The following DSTYK variants were observed in gnomAD, a reference collection of about 807,000 sequenced individuals.
The protein encoded by DSTYK is dual serine/threonine and tyrosine protein kinase, also known as RIP-homologous kinase.
In DSTYK, 34 loss-of-function variants were observed where a neutral mutation model predicts 98.7. The observed-to-expected ratio is 0.34, with a 90% confidence interval of 0.26 to 0.46. DSTYK has a LOEUF of 0.46. DSTYK is among the 20% of genes least tolerant of loss of function. The probability of loss-of-function intolerance (pLI) is 1.00; values close to 1 mark genes in which losing one functional copy is unlikely to be tolerated. For synonymous variants in DSTYK, 462 were observed against 457.3 expected, an observed-to-expected ratio of 1.01 and a Z score of -0.13; for missense variants, 962 against 1,181.7, an observed-to-expected ratio of 0.81 and a Z score of 2.73.
At chr1:205,198,844 T>C (rs1451716881) in intron 1 of DSTYK, among the ~76,000 whole-genome samples, 2 of 151,482 alleles carry the variant, frequency 1.3e-5, no homozygotes, top group Admixed American at 6.6e-5. Context: ...CTTTTTTTTT[T>C]TTTTTTGAGA....
intron 5 of DSTYK, among the ~76,000 whole-genome samples, chr1:205,162,677 A>G (rs568970469): frequency 6.6e-6 from 1 of 152,234 alleles, no homozygotes; most frequent in East Asian, 1.9e-4. Context: ...CTATTTTTCC[A>G]TTGTCCACAA....
intron 1 of DSTYK, among the ~76,000 whole-genome samples, chr1:205,199,400 A>G (rs1044263935): frequency 6.6e-6 from 1 of 152,210 alleles, no homozygotes; most frequent in Non-Finnish European, 1.5e-5. Context: ...TCCCTCCAAG[A>G]GTTTTGGTTT....
intron 3 of DSTYK, among the ~76,000 whole-genome samples, chr1:205,164,954 T>C (rs1358695687): frequency 1.3e-5 from 2 of 152,144 alleles, no homozygotes; most frequent in African/African-American, 4.8e-5. Context: ...GGGAAGGGAA[T>C]AGTACAGTTA....
intron 2 of DSTYK, among the ~76,000 whole-genome samples, chr1:205,180,861 T>C (rs1271583366): frequency 6.6e-6 from 1 of 152,236 alleles, no homozygotes; most frequent in Non-Finnish European, 1.5e-5. Context: ...CATAGGTATA[T>C]TAGCCTATAA....
chr1:205,174,158 T>C (rs1432251762), intron 2 of DSTYK, among the ~76,000 whole-genome samples: 1 of 151,980 alleles, frequency 6.6e-6, no homozygotes, highest in Non-Finnish European at 1.5e-5. Context: ...GTGGGCAGAT[T>C]GCTTGAGGCC....
At chr1:205,210,412 C>G (rs576635212) in intron 1 of DSTYK, among the ~76,000 whole-genome samples, 1 of 144,198 alleles carries the variant, frequency 6.9e-6, no homozygotes, top group African/African-American at 2.4e-5. Context: ...CGTGGAATGT[C>G]AGTCCCTTCT....
At chr1:205,176,501 A>AGG (rs1558613555) in intron 2 of DSTYK, among the ~76,000 whole-genome samples, 1 of 147,314 alleles carries the variant, frequency 6.8e-6, no homozygotes, top group Admixed American at 6.8e-5. Context: ...AAAAAAAAAA[A>AGG]AAAAAAAAGA....
chr1:205,160,358 CAG>C (rs1657681574), intron 7 of DSTYK, 88 bp from the exon 8 acceptor site: 4 of 1,236,548 alleles, frequency 3.2e-6, no homozygotes, highest in Admixed American at 2.2e-5. Flanking sequence ...TTTTTTGAGA[CAG>C]AGTCTTGTTC....
rs1558603268 is a variant in DSTYK at position 205,160,283 on chromosome 1, G to C, written c.1949-13C>G. 5.6e-6 allele frequency: 9 copies of C among 1,611,294 alleles called. No individual in the cohort carries two copies. The highest frequency in any genetic ancestry group is 6.8e-6 in the Non-Finnish European group (8 of 1,178,800). On this transcript the variant is annotated splice_polypyrimidine_tract_variant and intron_variant, in intron 7 of 12. Coordinates refer to ENST00000367162, the MANE Select transcript of DSTYK (RefSeq NM_015375.3). The stretch of plus-strand genomic sequence containing the variant: ...AGTTTAGGTTTACCTATAAGGTACA[G>C]AGACAGAGATAAGGCAGGAGGAATG...
Position 205,162,222 on chromosome 1 carries a change from T to C in DSTYK, c.1642-10A>G. 1 of 1,612,154 alleles carries C rather than the reference T, an allele frequency of 6.2e-7. No homozygotes were observed. The highest frequency in any genetic ancestry group is 8.5e-7 in the Non-Finnish European group (1 of 1,178,632). On this transcript the variant is annotated splice_polypyrimidine_tract_variant and intron_variant, in intron 5 of 12. Transcript: ENST00000367162. The stretch of plus-strand genomic sequence containing the variant: ...TGATGCGCTGGATGATCTACCAGGA[T>C]GAAGACAGCGAGATCACCAAGGAAT...
intron 1 of DSTYK, among the ~76,000 whole-genome samples, chr1:205,195,994 G>C (rs1658853861): frequency 6.6e-6 from 1 of 152,190 alleles, no homozygotes; most frequent in Non-Finnish European, 1.5e-5. Flanking sequence ...CTTAGTTTCT[G>C]GCATTTGGAA....
In DSTYK at chr1:205,147,670, G is replaced by A. The variant is rs1423121390; in HGVS notation, c.2678C>T (p.Pro893Leu). Residue 893 changes from proline (P) to leucine (L), a missense_variant, in exon 13 of 13, where the codon CCC becomes CTC. Pro to Leu is a moderately conservative substitution (Grantham distance 98). This residue lies in a region of DSTYK where 65 missense variants were observed against 63.9 expected (regional missense o/e 1.02). Coordinates refer to ENST00000367162, the MANE Select transcript of DSTYK (RefSeq NM_015375.3). The part of the protein sequence containing the change: ...QLMEACWDGD[P>L]LKRPLLGIVQ... The stretch of plus-strand genomic sequence containing the variant: ...AATGCCCAAGAGAGGCCTCTTCAAG[G>A]GGTCGCCATCCCAACAGGCTTCCAT... 7 of 1,614,000 alleles carry A rather than the reference G, an allele frequency of 4.3e-6. No individual in the cohort carries two copies. Among genetic ancestry groups the A allele is most frequent in the Non-Finnish European group, 5.9e-6 (7 of 1,180,022 alleles).
chr1:205,174,413 T>C (rs1658163775), intron 2 of DSTYK, among the ~76,000 whole-genome samples: 1 of 150,664 alleles, frequency 6.6e-6, no homozygotes, highest in Non-Finnish European at 1.5e-5. Flanking sequence ...CTCAGGAGGC[T>C]GAGGCAGAAG....
intron 1 of DSTYK, among the ~76,000 whole-genome samples, chr1:205,189,918 A>G (rs1658661799): frequency 6.6e-6 from 1 of 152,240 alleles, no homozygotes. Context: ...ATACAAGAGT[A>G]TAACACCAGA....
chr1:205,207,299 G>A (rs1027858739), intron 1 of DSTYK, among the ~76,000 whole-genome samples: 2 of 148,796 alleles, frequency 1.3e-5, no homozygotes, highest in East Asian at 2.1e-4. Flanking sequence ...GGCTGGTCTC[G>A]AACTCCTGAC....
intron 1 of DSTYK, among the ~76,000 whole-genome samples, chr1:205,208,752 T>C (rs992134523): frequency 1.3e-5 from 2 of 152,198 alleles, no homozygotes; most frequent in Non-Finnish European, 2.9e-5. Flanking sequence ...TCTGAATAAC[T>C]TGACCTTACA....
chr1:205,194,560 TA>T (rs34428789), intron 1 of DSTYK, among the ~76,000 whole-genome samples: 125,595 of 143,672 alleles, frequency 0.87, 54,451 homozygotes, highest in East Asian at 0.92. Context: ...TTTTTTTTTT[TA>T]AAATAGAGAT....
chr1:205,147,942 A>C (rs1382415386), intron 12 of DSTYK, among the ~76,000 whole-genome samples, 197 bp from the exon 13 acceptor site: 1 of 152,176 alleles, frequency 6.6e-6, no homozygotes, highest in Non-Finnish European at 1.5e-5. Context: ...AAAGAAAAAG[A>C]AAAGAAAAAC....
intron 2 of DSTYK, among the ~76,000 whole-genome samples, chr1:205,170,696 C>T (rs1053233398): frequency 2.0e-5 from 3 of 152,154 alleles, no homozygotes; most frequent in African/African-American, 7.2e-5. Context: ...TTTGCCTATC[C>T]AATATCTAGT....
Sources: gnomAD v4.1 joint callset for allele counts (sites outside exome capture counted in the v4.1 genomes callset) on GRCh38, gnomAD v4.1.1 for gene constraint, gnomAD v4.1.1 regional missense constraint, MANE v1.5 for transcripts, NCBI Gene and HGNC (gene_info 2026-07-23, HGNC 2026-07-21) for gene names.